FAAH2: variants seen among roughly 807,000 people sequenced by gnomAD.
FAAH2 encodes fatty-acid amide hydrolase 2.
Under a neutral mutation model 36.9 loss-of-function variants are expected in FAAH2, and 60 were observed. The ratio of observed to expected loss-of-function variants is 1.63; its 90% CI spans 1.32 to 2.02. FAAH2 has a LOEUF of 2.02. Among genes scored for constraint, FAAH2 ranks in the 30% most tolerant of loss-of-function variants. FAAH2 has a pLI of 0.00. For missense variants in FAAH2, 689 were observed against 397.5 expected (o/e 1.73, Z -6.23); for synonymous variants, 214 against 143.8 (o/e 1.49, Z -3.49).
intron 3 of FAAH2, among the ~76,000 whole-genome samples, chrX:57,321,287 A>G (rs2146947942): frequency 9.1e-6 from 1 of 110,218 alleles, no homozygotes; most frequent in East Asian, 2.8e-4. Flanking sequence ...GAACACATGG[A>G]CACAGGGAGG....
chrX:57,248,710 G>T, the FAAH2 span, among the ~76,000 whole-genome samples: 4 of 79,898 alleles, frequency 5.0e-5, no homozygotes, highest in African/African-American at 2.1e-4. Context: ...CCAAGATCAC[G>T]CCATTGCACT....
At chrX:57,477,929 A>C (rs2057303396) in intron 10 of FAAH2, among the ~76,000 whole-genome samples, 1 of 111,862 alleles carries the variant, frequency 8.9e-6, no homozygotes, top group African/African-American at 3.2e-5. Flanking sequence ...TGCTACTGTG[A>C]ATAGTGCCAC....
At chrX:57,421,291 A>G (rs1355025404) in intron 7 of FAAH2, among the ~76,000 whole-genome samples, 3 of 111,723 alleles carry the variant, frequency 2.7e-5, no homozygotes, top group African/African-American at 9.8e-5. Flanking sequence ...TAAAAATACG[A>G]AAATTATCCA....
At chrX:57,425,292 T>C (rs1026300155) in intron 7 of FAAH2, among the ~76,000 whole-genome samples, 6 of 111,735 alleles carry the variant, frequency 5.4e-5, no homozygotes, top group African/African-American at 1.9e-4. Flanking sequence ...GATTGCAAAA[T>C]CTATTCGAGG....
At chrX:57,239,757 A>G in the FAAH2 span, among the ~76,000 whole-genome samples, 50,055 of 110,395 alleles carry the variant, frequency 0.45, 11,347 homozygotes, top group African/African-American at 0.88. Context: ...TTTCTTTCTG[A>G]TAGAGTTGAT....
the FAAH2 span, among the ~76,000 whole-genome samples, chrX:57,150,589 C>A: frequency 3.6e-5 from 4 of 111,467 alleles, no homozygotes; most frequent in Non-Finnish European, 7.5e-5. Flanking sequence ...CAACCTCTGC[C>A]CTTTTTTGTT....
chrX:57,429,683 T>C (rs994364126), intron 7 of FAAH2, among the ~76,000 whole-genome samples: 4 of 111,847 alleles, frequency 3.6e-5, no homozygotes, highest in Non-Finnish European at 7.5e-5. Context: ...CTACTGGTTA[T>C]CTACCAAAGG....
chrX:57,163,821 T>TC, the FAAH2 span, among the ~76,000 whole-genome samples: 1 of 112,466 alleles, frequency 8.9e-6, no homozygotes, highest in African/African-American at 3.2e-5. Flanking sequence ...TCACCCGTCT[T>TC]CTGCGTTGCT....
Position 57,380,898 on chromosome X carries a change from T to C in FAAH2, c.879-14T>C, listed in dbSNP as rs936896108. On this transcript the variant is annotated splice_polypyrimidine_tract_variant and intron_variant, in intron 6 of 10. Transcript: ENST00000374900. ...ATAATTTGTTGATGTCAGTTTCTTT[T>C]TAATCCTACACAGGTTAAAACTAGA... The C allele has an allele frequency of 9.4e-7, 1 of 1,058,708 alleles. No homozygotes were observed. The highest frequency in any genetic ancestry group is 1.3e-6 in the Non-Finnish European group (1 of 778,882). The allele number at this position is 1,058,708 out of a possible 1,213,427, so 87.2% of individuals were successfully genotyped here.
the FAAH2 span, among the ~76,000 whole-genome samples, chrX:57,179,816 A>AT: frequency 2.7e-5 from 3 of 111,844 alleles, no homozygotes; most frequent in East Asian, 2.8e-4. Context: ...CAGAATATAC[A>AT]TTTTTTTCAC....
At chrX:57,337,930 A>G (rs2053594574) in intron 4 of FAAH2, among the ~76,000 whole-genome samples, 1 of 112,041 alleles carries the variant, frequency 8.9e-6, no homozygotes, top group Non-Finnish European at 1.9e-5. Flanking sequence ...AAAGAAATAA[A>G]GCATATTCAA....
the FAAH2 span, among the ~76,000 whole-genome samples, chrX:57,171,099 T>G: frequency 9.0e-6 from 1 of 111,712 alleles, no homozygotes; most frequent in Non-Finnish European, 1.9e-5. Flanking sequence ...TATTCTTTTT[T>G]TATGGTTGAG....
At chrX:57,438,028 T>C (rs1160620146) in intron 8 of FAAH2, among the ~76,000 whole-genome samples, 1 of 104,222 alleles carries the variant, frequency 9.6e-6, no homozygotes, top group Non-Finnish European at 1.9e-5. Flanking sequence ...TGTACATATA[T>C]ACATATGTAT....
intron 10 of FAAH2, among the ~76,000 whole-genome samples, chrX:57,475,377 G>A (rs1438964742): frequency 1.8e-5 from 2 of 111,982 alleles, no homozygotes; most frequent in Non-Finnish European, 3.8e-5. Flanking sequence ...TGTATAAAAT[G>A]TAAGGAAGGG....
chrX:57,175,703 A>G, the FAAH2 span, among the ~76,000 whole-genome samples: 1 of 111,533 alleles, frequency 9.0e-6, no homozygotes, highest in Non-Finnish European at 1.9e-5. Flanking sequence ...ATTCTGGTCT[A>G]TATTGAACCT....
At chrX:57,419,020 A>G (rs1442214737) in intron 7 of FAAH2, among the ~76,000 whole-genome samples, 2 of 105,574 alleles carry the variant, frequency 1.9e-5, no homozygotes, top group African/African-American at 6.9e-5. Flanking sequence ...TTCCAATTTC[A>G]TCCATGTCCC....
At chrX:57,137,389 G>T in the FAAH2 span, 1 of 747,712 alleles carries the variant, frequency 1.3e-6, no homozygotes, top group Non-Finnish European at 1.6e-6. Context: ...CGGCGAGACA[G>T]GCAAAGAGCA....
the FAAH2 span, among the ~76,000 whole-genome samples, chrX:57,193,596 A>AT: frequency 9.0e-6 from 1 of 111,192 alleles, no homozygotes; most frequent in East Asian, 2.8e-4. Context: ...CCGACATATT[A>AT]TGTCTCCCCC....
At chrX:57,395,128 T>C in intron 7 of FAAH2, 1 of 539,633 alleles carries the variant, frequency 1.9e-6, no homozygotes. Flanking sequence ...TACGAACCCG[T>C]GTACAGTAGA....
Sources: allele counts gnomAD v4.1 joint callset (sites outside exome capture counted in the v4.1 genomes callset), GRCh38; gene constraint gnomAD v4.1.1; transcripts MANE v1.5; gene names NCBI Gene and HGNC (gene_info 2026-07-23, HGNC 2026-07-21).